Variants in TACR1 observed in about 807,000 individuals in gnomAD.
TACR1 encodes substance-P receptor.
In TACR1, 25 loss-of-function variants were observed where a neutral mutation model predicts 35.8. That is an observed-to-expected ratio of 0.70 (90% CI 0.51 to 0.98). The LOEUF (loss-of-function observed/expected upper bound fraction) is 0.98. TACR1 is among the 50% of genes least tolerant of loss of function. TACR1 has a pLI of 0.00. For missense variants in TACR1, 478 were observed against 522.9 expected (o/e 0.91, Z 0.84); for synonymous variants, 195 against 206.7 (o/e 0.94, Z 0.48).
chr2:75,092,777 C>G (rs902406263), intron 2 of TACR1, among the ~76,000 whole-genome samples: 1 of 152,158 alleles, frequency 6.6e-6, no homozygotes, highest in African/African-American at 2.4e-5. Flanking sequence ...CCTCCAAAGA[C>G]CACTTGGAAT....
At chr2:75,159,368 T>C (rs1674945424) in intron 1 of TACR1, among the ~76,000 whole-genome samples, 2 of 152,238 alleles carry the variant, frequency 1.3e-5, no homozygotes, top group Non-Finnish European at 2.9e-5. Flanking sequence ...ATTATCTTTT[T>C]ATTTAAAAAT....
intron 1 of TACR1, among the ~76,000 whole-genome samples, chr2:75,185,854 C>A (rs558335068): frequency 1.3e-5 from 2 of 152,232 alleles, no homozygotes; most frequent in African/African-American, 4.8e-5. Context: ...TCCATGTGCG[C>A]TAGTTTTGCT....
chr2:75,092,472 A>T (rs981450525), intron 2 of TACR1, among the ~76,000 whole-genome samples: 4 of 152,192 alleles, frequency 2.6e-5, no homozygotes, highest in Admixed American at 2.6e-4. Context: ...TTTCATCAAC[A>T]AAAACTTTAC....
intron 2 of TACR1, among the ~76,000 whole-genome samples, chr2:75,068,706 C>T (rs1672817080): frequency 6.6e-6 from 1 of 152,180 alleles, no homozygotes; most frequent in Admixed American, 6.5e-5. Flanking sequence ...TGCTTACAGA[C>T]TTCCCTTAGC....
At chr2:75,058,721 C>T (rs1672617481) in intron 2 of TACR1, among the ~76,000 whole-genome samples, 1 of 152,230 alleles carries the variant, frequency 6.6e-6, no homozygotes, top group Admixed American at 6.5e-5. Context: ...TGAGGCTTGA[C>T]ACATTTTACA....
intron 2 of TACR1, among the ~76,000 whole-genome samples, chr2:75,098,284 T>C (rs1572928894): frequency 6.6e-6 from 1 of 152,148 alleles, no homozygotes; most frequent in Admixed American, 6.6e-5. Context: ...TTCTGTTTCC[T>C]TTTTTTACCC....
At chr2:75,132,002 T>A (rs1352871037) in intron 1 of TACR1, among the ~76,000 whole-genome samples, 4 of 152,206 alleles carry the variant, frequency 2.6e-5, no homozygotes, top group African/African-American at 9.6e-5. Flanking sequence ...TTGAAATTCA[T>A]TTCTATAAAA....
intron 2 of TACR1, among the ~76,000 whole-genome samples, chr2:75,096,750 C>T (rs1218265034): frequency 6.6e-6 from 1 of 152,148 alleles, no homozygotes; most frequent in Non-Finnish European, 1.5e-5. Context: ...TGTCAGTGAC[C>T]TTGCCTCCCA....
intron 1 of TACR1, chr2:75,154,526 A>ACACACACACACACACACTCTCT (rs1379600710): frequency 1.0e-4 from 12 of 117,214 alleles, no homozygotes; most frequent in African/African-American, 5.4e-4. Context: ...ACACACACAC[A>ACACACACACACACACACTCTCT]CTCTCTGAAG....
chr2:75,094,144 G>A (rs541679416), intron 2 of TACR1, among the ~76,000 whole-genome samples: 35 of 152,330 alleles, frequency 2.3e-4, no homozygotes, highest in Middle Eastern at 3.4e-3. Flanking sequence ...TGATGACAAT[G>A]CTGTTGGTGC....
chr2:75,060,870 G>A (rs752322355), intron 2 of TACR1, among the ~76,000 whole-genome samples: 1 of 152,092 alleles, frequency 6.6e-6, no homozygotes. Flanking sequence ...CTGTGGCTTG[G>A]GGGAAGAGCT....
intron 2 of TACR1, among the ~76,000 whole-genome samples, chr2:75,100,364 G>A (rs1673513312): frequency 6.6e-6 from 1 of 152,130 alleles, no homozygotes; most frequent in South Asian, 2.1e-4. Flanking sequence ...TAGTTTCTTT[G>A]GCATAAATTA....
intron 3 of TACR1, among the ~76,000 whole-genome samples, chr2:75,051,928 C>T (rs976955241): frequency 4.0e-5 from 6 of 151,302 alleles, no homozygotes; most frequent in African/African-American, 1.2e-4. Flanking sequence ...TGGGCGGGCA[C>T]AGCAGAAGGG....
In TACR1 at chr2:75,171,548, G is replaced by A. The variant is rs115870474; in HGVS notation, c.389+26998C>T. ...CTTCAGACCCCAGAGTAGATCCACCGACCGCTTGCACTATGTGCCTGGAAA... is the reference window on the plus strand; with the variant it reads ...CTTCAGACCCCAGAGTAGATCCACCAACCGCTTGCACTATGTGCCTGGAAA... On this transcript the variant is annotated intron_variant, in intron 1 of 4. Coordinates refer to ENST00000305249, the MANE Select transcript of TACR1 (RefSeq NM_001058.4). 8.0e-3 allele frequency among the ~76,000 whole-genome samples: 1,218 copies of A among 152,236 alleles called. 23 individuals carry two copies. Among genetic ancestry groups the A allele is most frequent in the African/African-American group, 0.027 (1,132 of 41,524 alleles).
At chr2:75,058,756 A>G (rs1202877438) in intron 2 of TACR1, among the ~76,000 whole-genome samples, 2 of 152,248 alleles carry the variant, frequency 1.3e-5, no homozygotes, top group Non-Finnish European at 2.9e-5. Context: ...AATGCAGACC[A>G]TGTAGCCTCA....
chr2:75,154,997 T>A (rs1470053069), intron 1 of TACR1, among the ~76,000 whole-genome samples: 2 of 152,172 alleles, frequency 1.3e-5, no homozygotes, highest in East Asian at 3.9e-4. Flanking sequence ...AAATTCACAC[T>A]GAGCATGAAC....
At chr2:75,081,124 A>G (rs942281209) in intron 2 of TACR1, among the ~76,000 whole-genome samples, 1 of 152,202 alleles carries the variant, frequency 6.6e-6, no homozygotes, top group Admixed American at 6.5e-5. Flanking sequence ...CAGAGGTGCT[A>G]GGAGGAATAC....
In TACR1 at chr2:75,046,515, C is replaced by G. The variant is rs1461101889; in HGVS notation, c.*2917G>C. 6.6e-6 allele frequency: 1 copy of G among 152,148 alleles called. No individual in the cohort carries two copies. The highest frequency in any genetic ancestry group is 2.4e-5 in the African/African-American group (1 of 41,422). The allele number at this position is 152,148 out of a possible 1,614,324, so 9.4% of individuals were successfully genotyped here. A position where few individuals can be genotyped will look rare whatever the true frequency, so the allele number is the denominator to read the frequency against. ...TAAAGATTCTTTCCAGGAGACCAGG[C>G]TGGAAAACACGGAAACCTCAGGAAT... is the stretch of plus-strand genomic sequence containing the variant. On this transcript the variant is annotated 3_prime_UTR_variant, in exon 5 of 5. Coordinates refer to ENST00000305249, the MANE Select transcript of TACR1 (RefSeq NM_001058.4).
chr2:75,122,085 T>A (rs1197307829), intron 1 of TACR1, among the ~76,000 whole-genome samples: 1 of 152,180 alleles, frequency 6.6e-6, no homozygotes, highest in African/African-American at 2.4e-5. Flanking sequence ...GGCTATAAGC[T>A]TGTAATTTCT....
Sources: allele counts gnomAD v4.1 joint callset (sites outside exome capture counted in the v4.1 genomes callset), GRCh38; gene constraint gnomAD v4.1.1; transcripts MANE v1.5; gene names NCBI Gene and HGNC (gene_info 2026-07-23, HGNC 2026-07-21).